CARD8: variants seen among roughly 807,000 people sequenced by gnomAD.
CARD8 encodes caspase recruitment domain-containing protein 8.
In CARD8, 38 loss-of-function variants were observed where a neutral mutation model predicts 53.2. That is an observed-to-expected ratio of 0.71 (90% CI 0.55 to 0.94). The LOEUF is 0.94. CARD8 is among the 40% of genes least tolerant of loss of function. CARD8 has a pLI of 0.00. For synonymous variants in CARD8, 245 were observed against 244.9 expected (o/e 1.00, Z 0.00); for missense variants, 561 against 655.5 (o/e 0.86, Z 1.57).
chr19:48,235,368 C>G (rs1052576365), intron 5 of CARD8, among the ~76,000 whole-genome samples: 1 of 152,136 alleles, frequency 6.6e-6, no homozygotes, highest in African/African-American at 2.4e-5. Context: ...AAATCAGTTC[C>G]TCCTTTGAAG....
chr19:48,206,527 TAAC>T (rs1368591430), downstream of CARD8: 1 of 460,884 alleles, frequency 2.2e-6, no homozygotes, highest in East Asian at 6.9e-5. Context: ...ACTCCTGTGA[TAAC>T]AAGACAGAAG....
intron 7 of CARD8, 106 bp from the exon 8 acceptor site, chr19:48,231,916 C>G (rs1473861300): frequency 1.0e-6 from 1 of 960,116 alleles, no homozygotes; most frequent in Non-Finnish European, 1.7e-6. Context: ...ATACAGATAT[C>G]GAATGAGAGC....
chr19:48,219,608 G>T (rs2040074160), intron 11 of CARD8, among the ~76,000 whole-genome samples: 1 of 152,158 alleles, frequency 6.6e-6, no homozygotes, highest in African/African-American at 2.4e-5. Flanking sequence ...AAATTACAAA[G>T]GGTGAGATTG....
chr19:48,230,406 T>G (rs757058159), intron 10 of CARD8, 32 bp downstream of exon 10: 11 of 1,561,542 alleles, frequency 7.0e-6, no homozygotes, highest in Non-Finnish European at 9.5e-6. Flanking sequence ...ATAATCGTCA[T>G]CTTCTCTGGT....
Position 48,230,900 on chromosome 19 carries a change from G to A in CARD8, c.649C>T (p.His217Tyr), listed in dbSNP as rs756605952. Reference sequence around the variant, plus strand: ...TGGTGCTGCAGGTCCAGGGCCAGGTGCTGACTCCAGGAACCAAACGCAATC... The same window carrying A: ...TGGTGCTGCAGGTCCAGGGCCAGGTACTGACTCCAGGAACCAAACGCAATC... ...VTIAFGSWSQ[H>Y]LALDLQHHEQ... The change falls in exon 9 of 14, where the codon CAC becomes TAC. Residue 217 changes from histidine to tyrosine, a missense_variant. By Grantham distance (83) the His-to-Tyr change is moderately conservative. Transcript: ENST00000651546. The A allele has an allele frequency of 5.0e-6, 8 of 1,614,044 alleles. No homozygotes were observed. The highest frequency in any genetic ancestry group is 1.3e-5 in the African/African-American group (1 of 74,910).
At chr19:48,243,452 C>A (rs1190140882) in intron 3 of CARD8, among the ~76,000 whole-genome samples, 1 of 152,174 alleles carries the variant, frequency 6.6e-6, no homozygotes, top group Non-Finnish European at 1.5e-5. Context: ...ACAAATATTT[C>A]TATCCAATTT....
At chr19:48,228,455 C>CATT (rs2146077812) in intron 10 of CARD8, among the ~76,000 whole-genome samples, 2 of 151,372 alleles carry the variant, frequency 1.3e-5, no homozygotes, top group African/African-American at 4.9e-5. Context: ...CCACTGAGAC[C>CATT]CCAGGTAAGA....
intron 12 of CARD8, among the ~76,000 whole-genome samples, chr19:48,215,852 T>G (rs557103275): frequency 6.6e-6 from 1 of 152,276 alleles, no homozygotes; most frequent in African/African-American, 2.4e-5. Flanking sequence ...TTAAAAAAAT[T>G]TCCCATGATG....
chr19:48,233,437 A>G (rs1311547846), intron 6 of CARD8: 3 of 456,052 alleles, frequency 6.6e-6, no homozygotes, highest in Non-Finnish European at 1.3e-5. Flanking sequence ...AAGGCTTTAC[A>G]GCGCTTTTCT....
chr19:48,251,283 G>A (rs1026620593), intron 1 of CARD8, among the ~76,000 whole-genome samples: 17 of 152,214 alleles, frequency 1.1e-4, no homozygotes, highest in Non-Finnish European at 1.9e-4. Context: ...TGAGATGAAA[G>A]TCTCATTATG....
At chr19:48,207,519 C>CT (rs1195210610), downstream of CARD8, among the ~76,000 whole-genome samples, 1 of 151,948 alleles carries the variant, frequency 6.6e-6, no homozygotes, top group Non-Finnish European at 1.5e-5. Context: ...TTTCTGATAA[C>CT]TAGACGTATG....
At chr19:48,233,154 C>T (rs1014624033) in intron 6 of CARD8, 1 of 354,950 alleles carries the variant, frequency 2.8e-6, no homozygotes, top group African/African-American at 2.1e-5. Flanking sequence ...AAAGCATCGG[C>T]GCTTTCAAAG....
At chr19:48,221,097 T>C (rs1039312866) in intron 11 of CARD8, among the ~76,000 whole-genome samples, 3 of 152,084 alleles carry the variant, frequency 2.0e-5, no homozygotes, top group Non-Finnish European at 4.4e-5. Flanking sequence ...TAGCTTTAAG[T>C]TGGTTAATAC....
Position 48,210,333 on chromosome 19 carries a change from A to G in CARD8, c.*1377T>C, listed in dbSNP as rs1237886041. 1 of 152,176 alleles carries G rather than the reference A, an allele frequency of 6.6e-6. No homozygotes were observed. Among genetic ancestry groups the G allele is most frequent in the Admixed American group, 6.5e-5 (1 of 15,284 alleles). The allele number at this position is 152,176 out of a possible 1,614,324, so 9.4% of individuals were successfully genotyped here. A position where few individuals can be genotyped will look rare whatever the true frequency, so the allele number is the denominator to read the frequency against. On this transcript the variant is annotated 3_prime_UTR_variant, in exon 14 of 14. Transcript: ENST00000651546. ...ATCTGTACCTATCAGAACCACTCTA[A>G]AAGAACTAAAAAACGTCTATCAGAG...
At chr19:48,222,385 G>A (rs908755013) in intron 10 of CARD8, among the ~76,000 whole-genome samples, 8 of 152,228 alleles carry the variant, frequency 5.3e-5, no homozygotes, top group East Asian at 1.9e-4. Flanking sequence ...AGCAGAAAGC[G>A]AGACCTCAAA....
chr19:48,255,696 GCTGA>G (rs990126540), intron 1 of CARD8, 92 bp downstream of exon 1: 6 of 150,844 alleles, frequency 4.0e-5, no homozygotes, highest in South Asian at 2.1e-4. Flanking sequence ...CTCCTTCCTT[GCTGA>G]CTAAGAGGAA....
chr19:48,255,664 A>G (rs976847775), intron 1 of CARD8, 128 bp downstream of exon 1: 1 of 152,138 alleles, frequency 6.6e-6, no homozygotes, highest in African/African-American at 2.4e-5. Flanking sequence ...ACACGCTCAT[A>G]TGAACTTCTC....
intron 7 of CARD8, chr19:48,232,036 T>G (rs986489098): frequency 4.9e-6 from 3 of 618,022 alleles, no homozygotes; most frequent in Admixed American, 2.3e-5. Context: ...TAAGACTTTC[T>G]GGGAAGCCAG....
intron 10 of CARD8, among the ~76,000 whole-genome samples, chr19:48,228,723 G>C (rs187784831): frequency 1.3e-5 from 2 of 152,186 alleles, no homozygotes; most frequent in Non-Finnish European, 2.9e-5. Context: ...GTGGAAGGGA[G>C]TGATGCCCTA....
Sources: gnomAD v4.1 joint callset for allele counts (sites outside exome capture counted in the v4.1 genomes callset) on GRCh38, gnomAD v4.1.1 for gene constraint, MANE v1.5 for transcripts, NCBI Gene and HGNC (gene_info 2026-07-23, HGNC 2026-07-21) for gene names.